CDH20: variants seen among roughly 807,000 people sequenced by gnomAD.
CDH20 encodes the protein cadherin 20.
In CDH20, 29 loss-of-function variants were observed where a neutral mutation model predicts 74.2. The ratio of observed to expected loss-of-function variants is 0.39; its 90% CI spans 0.29 to 0.53. The LOEUF (loss-of-function observed/expected upper bound fraction) is 0.53, where lower values mean the gene tolerates loss of function less well. Among genes scored for constraint, CDH20 ranks in the 20% least tolerant of loss-of-function variants. CDH20 has a pLI of 0.69. For synonymous variants in CDH20, 469 were observed against 405.4 expected (o/e 1.16, Z -1.88); for missense variants, 988 against 1,048.3 (o/e 0.94, Z 0.79).
At chr18:61,504,496 T>G (rs1911491127) in intron 5 of CDH20, among the ~76,000 whole-genome samples, 1 of 152,070 alleles carries the variant, frequency 6.6e-6, no homozygotes, top group African/African-American at 2.4e-5. Flanking sequence ...GGGAGACAAA[T>G]TCAGATTTGA....
In CDH20 at chr18:61,493,265, C is replaced by T. The variant is rs374550580; in HGVS notation, c.246+2466C>T. On this transcript the variant is annotated intron_variant, in intron 2 of 11. Coordinates refer to ENST00000262717, the MANE Select transcript of CDH20 (RefSeq NM_031891.4). ...GGATGCATCTCCTCCTCTCTAGGCTCGGTCATGACCATGATCCTTTGCTCT... is the reference window on the plus strand; with the variant it reads ...GGATGCATCTCCTCCTCTCTAGGCTTGGTCATGACCATGATCCTTTGCTCT... 5.9e-5 allele frequency among the ~76,000 whole-genome samples: 9 copies of T among 152,236 alleles called. No homozygotes were observed. The East Asian group carries it at 1.7e-3, about 29-fold the overall frequency.
chr18:61,507,284 T>C, intron 5 of CDH20, 89 bp from the exon 6 acceptor site: 1 of 1,239,032 alleles, frequency 8.1e-7, no homozygotes, highest in African/African-American at 1.5e-5. Context: ...AAAAAAGATA[T>C]TTTGCACAGC....
chr18:61,394,117 C>T (rs962577493), intron 1 of CDH20, among the ~76,000 whole-genome samples: 2 of 152,066 alleles, frequency 1.3e-5, no homozygotes, highest in African/African-American at 4.8e-5. Context: ...CCCTGGAAGC[C>T]AGGGATTTTG....
At chr18:61,529,039 T>C (rs1436136413) in intron 7 of CDH20, among the ~76,000 whole-genome samples, 2 of 152,190 alleles carry the variant, frequency 1.3e-5, no homozygotes, top group Non-Finnish European at 2.9e-5. Flanking sequence ...CTCAAGAAGA[T>C]GAGAACTGCT....
intron 1 of CDH20, among the ~76,000 whole-genome samples, chr18:61,447,534 G>A (rs990264848): frequency 3.9e-5 from 6 of 152,310 alleles, no homozygotes; most frequent in African/African-American, 1.4e-4. Context: ...GGATTGTGTG[G>A]TTTCCTAGAT....
chr18:61,455,492 A>C (rs1300964614), intron 1 of CDH20, among the ~76,000 whole-genome samples: 2 of 152,216 alleles, frequency 1.3e-5, no homozygotes, highest in African/African-American at 4.8e-5. Context: ...AAGGAGGCAC[A>C]AATTTTGAGT....
At chr18:61,526,712 G>T (rs978930991) in intron 6 of CDH20, among the ~76,000 whole-genome samples, 1 of 152,068 alleles carries the variant, frequency 6.6e-6, no homozygotes, top group South Asian at 2.1e-4. Flanking sequence ...AAATTCTGAA[G>T]ATAGGAATAA....
intron 1 of CDH20, among the ~76,000 whole-genome samples, chr18:61,339,244 A>G (rs1909855999): frequency 1.3e-5 from 2 of 152,160 alleles, no homozygotes; most frequent in Non-Finnish European, 1.5e-5. Flanking sequence ...TTATAAAAAA[A>G]GTGGTATTAT....
intron 1 of CDH20, among the ~76,000 whole-genome samples, chr18:61,465,083 C>G (rs8091302): frequency 6.6e-6 from 1 of 152,170 alleles, no homozygotes; most frequent in Admixed American, 6.5e-5. Flanking sequence ...CAAGTAAACC[C>G]TCAGGAGTAT....
At chr18:61,497,104 AAAG>A (rs377756866) in intron 2 of CDH20, among the ~76,000 whole-genome samples, 107,035 of 133,232 alleles carry the variant, frequency 0.8, 43,968 homozygotes, top group East Asian at 0.98. Flanking sequence ...AAAAAAAAAG[AAAG>A]AAAGAAAGAA....
intron 6 of CDH20, among the ~76,000 whole-genome samples, chr18:61,523,207 A>G (rs944144988): frequency 2.4e-5 from 2 of 82,214 alleles, no homozygotes; most frequent in African/African-American, 7.3e-5. Context: ...GAACTTAAAC[A>G]AATTTACAAG....
intron 9 of CDH20, among the ~76,000 whole-genome samples, chr18:61,540,479 G>A (rs1234062306): frequency 2.0e-5 from 3 of 152,082 alleles, no homozygotes; most frequent in Non-Finnish European, 4.4e-5. Flanking sequence ...AAGGCGAAAG[G>A]CACATCTTAC....
intron 9 of CDH20, among the ~76,000 whole-genome samples, chr18:61,540,941 G>C (rs1018133016): frequency 3.3e-5 from 5 of 152,176 alleles, no homozygotes; most frequent in African/African-American, 1.2e-4. Flanking sequence ...TTGAAATTTG[G>C]TGCAATGGTC....
intron 1 of CDH20, among the ~76,000 whole-genome samples, chr18:61,417,510 T>C (rs1026120386): frequency 1.5e-5 from 2 of 136,294 alleles, no homozygotes; most frequent in African/African-American, 2.7e-5. Flanking sequence ...TTGGAGGACA[T>C]TGTGTTAAAT....
At chr18:61,517,301 G>A (rs1346735699) in intron 6 of CDH20, among the ~76,000 whole-genome samples, 1 of 152,200 alleles carries the variant, frequency 6.6e-6, no homozygotes, top group Non-Finnish European at 1.5e-5. Context: ...GTGGCAAGAT[G>A]GCTGAATAGG....
rs557980585 is a variant in CDH20 at position 61,463,414 on chromosome 18, T to G, written c.-152-26988T>G. Among the ~76,000 whole-genome samples, 20 of 152,284 alleles carry G rather than the reference T, an allele frequency of 1.3e-4. No individual in the cohort carries two copies. In the East Asian group the frequency reaches 2.7e-3, roughly 21 times the overall value. ...AAGTGTAAATATTGGTACATTTTTCTGAAGAGTGTAGTCAAGATTGTTGTC... is the reference window on the plus strand; with the variant it reads ...AAGTGTAAATATTGGTACATTTTTCGGAAGAGTGTAGTCAAGATTGTTGTC... On this transcript the variant is annotated intron_variant, in intron 1 of 11. Transcript: ENST00000262717.
intron 1 of CDH20, among the ~76,000 whole-genome samples, chr18:61,356,229 GATTT>G (rs1365000905): frequency 6.6e-6 from 1 of 152,222 alleles, no homozygotes; most frequent in Non-Finnish European, 1.5e-5. Context: ...TCAGAGTTGT[GATTT>G]ATTTCATGGA....
chr18:61,499,563 CAT>C (rs1253610777), intron 3 of CDH20, 83 bp downstream of exon 3: 11 of 1,053,072 alleles, frequency 1.0e-5, no homozygotes, highest in African/African-American at 9.5e-5. Flanking sequence ...TGCACACACA[CAT>C]GTAGATACAC....
Position 61,490,795 on chromosome 18 carries a change from G to C in CDH20, c.242G>C (p.Gly81Ala). ...EYTGTDPLYV[G>A]KLHSDMDRGD... ...ACTGGGACCGACCCTTTGTATGTCG[G>C]CAAGGTAAGAAATGCCAAGTAGAAA... The change falls in exon 2 of 12, where the codon GGC (glycine) becomes GCC (alanine). Residue 81 changes from glycine (G) to alanine (A), a missense_variant. Around this residue, in one of 2 missense-constraint regions of CDH20, gnomAD observed 613 missense variants for 755.2 expected, o/e 0.81. Transcript: ENST00000262717. 1 of 1,613,894 alleles carries C rather than the reference G, an allele frequency of 6.2e-7. No individual in the cohort carries two copies. The highest frequency in any genetic ancestry group is 8.5e-7 in the Non-Finnish European group (1 of 1,179,816).
Sources: allele counts gnomAD v4.1 joint callset (sites outside exome capture counted in the v4.1 genomes callset), GRCh38; gene constraint gnomAD v4.1.1; regional missense constraint gnomAD v4.1.1; transcripts MANE v1.5; gene names NCBI Gene and HGNC (gene_info 2026-07-23, HGNC 2026-07-21).